CDK8: variants seen among roughly 807,000 people sequenced by gnomAD.
CDK8 encodes cyclin-dependent kinase 8.
In CDK8, 29 loss-of-function variants were observed where a neutral mutation model predicts 71.5. The ratio of observed to expected loss-of-function variants is 0.41; its 90% CI spans 0.30 to 0.55. The LOEUF (loss-of-function observed/expected upper bound fraction) is 0.55. Ranked by LOEUF, CDK8 falls within the 20% of genes least tolerant of loss-of-function variation. The pLI is 0.37. For missense variants in CDK8, 288 were observed against 572.6 expected (o/e 0.50, Z 5.07); for synonymous variants, 161 against 192.1 (o/e 0.84, Z 1.34).
chr13:26,254,681 G>C lies in CDK8; in HGVS notation c.40G>C (p.Glu14Gln). Residue 14 changes from glutamate (E) to glutamine (Q), a missense_variant, in exon 1 of 13, where the codon GAG becomes CAG. Physicochemically the swap from Glu to Gln is conservative, Grantham distance 29. Coordinates refer to ENST00000381527, the MANE Select transcript of CDK8 (RefSeq NM_001260.3). The surrounding 1 kb of genome is among the most constrained non-coding windows in gnomAD (Gnocchi z 6.7). ...TAAAGTGAAGCTGAGCAGCGAGCGG[G>C]AGCGGGTCGAGGACCTGTTTGAATA... ...DFKVKLSSER[E>Q]RVEDLFEYEG... is the part of the protein sequence containing the mutation. 1.2e-6 allele frequency: 2 copies of C among 1,612,730 alleles called. No homozygotes were observed. Among genetic ancestry groups the C allele is most frequent in the Non-Finnish European group, 1.7e-6 (2 of 1,179,392 alleles).
chr13:26,285,394 TAAA>T (rs1283516557), intron 1 of CDK8, among the ~76,000 whole-genome samples: 4 of 152,018 alleles, frequency 2.6e-5, no homozygotes, highest in Admixed American at 6.6e-5. Flanking sequence ...TAAACAGAAT[TAAA>T]AACAAAAATC....
chr13:26,310,413 G>A (rs913523153), intron 1 of CDK8, among the ~76,000 whole-genome samples: 1 of 152,132 alleles, frequency 6.6e-6, no homozygotes, highest in Admixed American at 6.6e-5. Context: ...GGTGGTTTTG[G>A]ATGATTCTAG....
chr13:26,315,390 T>G lies in CDK8; in HGVS notation c.129-22177T>G, dbSNP rs180870531. Among the ~76,000 whole-genome samples the G allele has an allele frequency of 2.0e-4, 31 of 152,296 alleles. No individual in the cohort carries two copies. In the East Asian group the frequency reaches 4.8e-3, roughly 24 times the overall value. On this transcript the variant is annotated intron_variant, in intron 1 of 12. Transcript: ENST00000381527. ...TCTGTTCATTGCCAGATCAGTTAGA[T>G]GAGCACTGACAAGAGCAGGGAGGAG...
At chr13:26,330,315 C>T (rs994534105) in intron 1 of CDK8, among the ~76,000 whole-genome samples, 4 of 152,170 alleles carry the variant, frequency 2.6e-5, no homozygotes, top group African/African-American at 7.2e-5. Context: ...GAGTGATCCT[C>T]CTGCTTCGGC....
At chr13:26,304,179 G>A (rs1873936459) in intron 1 of CDK8, among the ~76,000 whole-genome samples, 1 of 151,584 alleles carries the variant, frequency 6.6e-6, no homozygotes, top group Non-Finnish European at 1.5e-5. Flanking sequence ...GCAGTGAATT[G>A]CTTGAACCCA....
chr13:26,349,570 A>T (rs528955087), intron 3 of CDK8, among the ~76,000 whole-genome samples: 4 of 152,312 alleles, frequency 2.6e-5, no homozygotes, highest in South Asian at 2.1e-4. Context: ...TGGTATCCTC[A>T]TGTAGGAGGA....
At chr13:26,373,956 T>C (rs4633551) in intron 4 of CDK8, among the ~76,000 whole-genome samples, 139,100 of 146,870 alleles carry the variant, frequency 0.95, 65,897 homozygotes, top group East Asian at 1. Context: ...CCGAGGTGAG[T>C]GAATCACGAG....
chr13:26,362,792 A>G (rs187792416), intron 4 of CDK8, among the ~76,000 whole-genome samples: 19 of 152,296 alleles, frequency 1.2e-4, no homozygotes, highest in South Asian at 6.2e-4. Flanking sequence ...GTCACAGTCT[A>G]TATCAAATTT....
chr13:26,372,100 A>C (rs1194562020), intron 4 of CDK8, among the ~76,000 whole-genome samples: 1 of 152,218 alleles, frequency 6.6e-6, no homozygotes, highest in East Asian at 1.9e-4. Flanking sequence ...AGTGTGTACT[A>C]GAAATAAAGA....
At chr13:26,288,254 G>A (rs1021765162) in intron 1 of CDK8, among the ~76,000 whole-genome samples, 5 of 152,052 alleles carry the variant, frequency 3.3e-5, no homozygotes, top group African/African-American at 9.7e-5. Flanking sequence ...GAGCCACTGC[G>A]CCCGGCCTAG....
In CDK8 at chr13:26,404,276, T is replaced by G. The variant is rs1430054178; in HGVS notation, c.*195T>G. On this transcript the variant is annotated 3_prime_UTR_variant, in exon 13 of 13. Coordinates refer to ENST00000381527, the MANE Select transcript of CDK8 (RefSeq NM_001260.3). ...GTTGTACCTATTTTGGAGTTAGACT[T>G]GAAAAGAAAGTGCTAGCACAGTTTG... 3.6e-6 allele frequency: 2 copies of G among 559,230 alleles called. No homozygotes were observed. Among genetic ancestry groups the G allele is most frequent in the East Asian group, 6.2e-5 (2 of 32,244 alleles). 34.6% of individuals were successfully genotyped at this position (559,230 alleles called of 1,614,324 possible). A position where few individuals can be genotyped will look rare whatever the true frequency, so the allele number is the denominator to read the frequency against.
chr13:26,319,744 G>A (rs1395928869), intron 1 of CDK8, among the ~76,000 whole-genome samples: 1 of 151,144 alleles, frequency 6.6e-6, no homozygotes, highest in Admixed American at 6.6e-5. Context: ...AGAATGTCTG[G>A]GGACTCCACA....
At chr13:26,294,342 T>C (rs145778127) in intron 1 of CDK8, among the ~76,000 whole-genome samples, 178 of 152,266 alleles carry the variant, frequency 1.2e-3, no homozygotes, top group African/African-American at 4.0e-3. Flanking sequence ...ATGATTCTTA[T>C]GTGATTCTGT....
chr13:26,378,566 T>C (rs1391229562), intron 4 of CDK8, among the ~76,000 whole-genome samples: 1 of 152,268 alleles, frequency 6.6e-6, no homozygotes, highest in Non-Finnish European at 1.5e-5. Context: ...TCATTATTTC[T>C]GTGCATGGCT....
intron 6 of CDK8, among the ~76,000 whole-genome samples, chr13:26,389,662 A>G (rs192975832): frequency 7.0e-4 from 107 of 152,120 alleles, no homozygotes; most frequent in African/African-American, 2.5e-3. Context: ...TGAAACATTG[A>G]TTCAAAATTT....
At chr13:26,344,785 G>C (rs1377591695) in intron 2 of CDK8, among the ~76,000 whole-genome samples, 1 of 151,566 alleles carries the variant, frequency 6.6e-6, no homozygotes, top group African/African-American at 2.4e-5. Flanking sequence ...AACTCACATA[G>C]AGCTGCCTCT....
At chr13:26,265,312 G>A (rs1013690376) in intron 1 of CDK8, among the ~76,000 whole-genome samples, 2 of 152,164 alleles carry the variant, frequency 1.3e-5, no homozygotes, top group Non-Finnish European at 2.9e-5. Flanking sequence ...GTAAACAATT[G>A]TAATATAGTA....
intron 2 of CDK8, 56 bp downstream of exon 2, chr13:26,337,698 A>G: frequency 7.2e-6 from 5 of 696,058 alleles, no homozygotes; most frequent in South Asian, 6.4e-5. Context: ...AGTACCAACT[A>G]TATAAGGCTC....
chr13:26,367,343 G>T (rs1157669678), intron 4 of CDK8, among the ~76,000 whole-genome samples: 1 of 152,048 alleles, frequency 6.6e-6, no homozygotes, highest in Admixed American at 6.5e-5. Flanking sequence ...GTTGCACATG[G>T]TAGGAAGCGA....
Sources: gnomAD v4.1 joint callset for allele counts (sites outside exome capture counted in the v4.1 genomes callset) on GRCh38, gnomAD v4.1.1 for gene constraint, Gnocchi (gnomAD v3.1) non-coding constraint, MANE v1.5 for transcripts, NCBI Gene and HGNC (gene_info 2026-07-23, HGNC 2026-07-21) for gene names.